CTSL: variants seen among roughly 807,000 people sequenced by gnomAD.
CTSL encodes procathepsin L.
A neutral mutation model predicts 34.7 loss-of-function variants in CTSL; 23 were observed. The observed-to-expected ratio is 0.66, with a 90% confidence interval of 0.48 to 0.94. The LOEUF is 0.94. Among genes scored for constraint, CTSL ranks in the 40% least tolerant of loss-of-function variants. The probability of loss-of-function intolerance (pLI) is 0.00; values close to 1 mark genes in which losing one functional copy is unlikely to be tolerated. For synonymous variants in CTSL, 129 were observed against 136.7 expected (o/e 0.94, Z 0.39); for missense variants, 361 against 406.3 (o/e 0.89, Z 0.96).
At chr9:87,726,928 G>A (rs899147943) in intron 1 of CTSL, among the ~76,000 whole-genome samples, 2 of 152,048 alleles carry the variant, frequency 1.3e-5, no homozygotes, top group African/African-American at 4.8e-5. Context: ...TGTAGTTCCA[G>A]CTATTCAAGA....
Position 87,731,144 on chromosome 9 carries a change from A to T in CTSL, c.*37A>T. 1 of 1,521,402 alleles carries T rather than the reference A, an allele frequency of 6.6e-7. No individual in the cohort carries two copies. Among genetic ancestry groups the T allele is most frequent in the South Asian group, 1.1e-5 (1 of 88,432 alleles). 94.2% of individuals were successfully genotyped at this position (1,521,402 alleles called of 1,614,324 possible). On this transcript the variant is annotated 3_prime_UTR_variant, in exon 8 of 8. Coordinates refer to ENST00000343150, the MANE Select transcript of CTSL (RefSeq NM_001912.5). ...GTGATGAGGAAGGACTTGACTGGGG[A>T]TGGCGCATGCATGGGAGGAATTCAT...
chr9:87,729,753 T>C lies in CTSL; in HGVS notation c.784+18T>C. 6.3e-7 allele frequency: 1 copy of C among 1,582,904 alleles called. No individual in the cohort carries two copies. Among genetic ancestry groups the C allele is most frequent in the South Asian group, 1.2e-5 (1 of 85,660 alleles). ...TAAAGAAGGTAAGCATATTTTTCTT[T>C]GTAGAAATTGATGCAGAAAAAGAGT... On this transcript the variant is annotated intron_variant, in intron 6 of 7. Coordinates refer to ENST00000343150, the MANE Select transcript of CTSL (RefSeq NM_001912.5).
Position 87,731,040 on chromosome 9 carries a change from T to C in CTSL, c.935T>C (p.Val312Ala). The C allele has an allele frequency of 6.2e-7, 1 of 1,614,070 alleles. No individual in the cohort carries two copies. Among genetic ancestry groups the C allele is most frequent in the East Asian group, 2.2e-5 (1 of 44,878 alleles). Residue 312 changes from valine to alanine, a missense_variant, in exon 8 of 8, where the codon GTA becomes GCA. By Grantham distance (64) the Val-to-Ala change is moderately conservative. Transcript: ENST00000343150. ...WGEEWGMGGY[V>A]KMAKDRRNHC... ...GAAGAATGGGGCATGGGTGGCTACG[T>C]AAAGATGGCCAAAGACCGGAGAAAC...
At chr9:87,729,771 A>C in intron 6 of CTSL, 36 bp downstream of exon 6, 1 of 1,578,298 alleles carries the variant, frequency 6.3e-7, no homozygotes, top group Non-Finnish European at 8.6e-7. Flanking sequence ...TTGATGCAGA[A>C]AAAGAGTATC....
intron 7 of CTSL, 50 bp from the exon 8 acceptor site, chr9:87,730,958 C>G (rs761976471): frequency 1.1e-5 from 16 of 1,498,896 alleles, no homozygotes; most frequent in Middle Eastern, 1.7e-4. Context: ...TGTTAATAAC[C>G]CTTTGGGCTT....
chr9:87,727,068 A>ATAAG (rs1826037747), intron 1 of CTSL, among the ~76,000 whole-genome samples: 1 of 151,642 alleles, frequency 6.6e-6, no homozygotes, highest in Non-Finnish European at 1.5e-5. Flanking sequence ...AAATAAATAA[A>ATAAG]TAAATAAATA....
In CTSL at chr9:87,729,794, C is replaced by T. The variant is rs1826187673; in HGVS notation, c.784+59C>T. On this transcript the variant is annotated intron_variant, in intron 6 of 7. Coordinates refer to ENST00000343150, the MANE Select transcript of CTSL (RefSeq NM_001912.5). ...GAAAAAGAGTATCATGACATACGAG[C>T]ATGATAGACTCTGGTTTGCAAGTAA... 2.0e-6 allele frequency: 3 copies of T among 1,515,344 alleles called. No homozygotes were observed. The South Asian group carries it at 3.9e-5, about 20-fold the overall frequency. The allele number at this position is 1,515,344 out of a possible 1,614,324, so 93.9% of individuals were successfully genotyped here.
intron 1 of CTSL, 53 bp from the exon 2 acceptor site, chr9:87,727,541 G>C: frequency 5.7e-6 from 9 of 1,585,094 alleles, no homozygotes; most frequent in Non-Finnish European, 7.7e-6. Flanking sequence ...GGGGCAGTAA[G>C]ATGGCTTTTT....
At chr9:87,730,250 G>T in intron 6 of CTSL, 131 bp from the exon 7 acceptor site, 1 of 531,672 alleles carries the variant, frequency 1.9e-6, no homozygotes, top group Non-Finnish European at 3.3e-6. Context: ...TCTTATTGTT[G>T]TTAAGTACTA....
intron 7 of CTSL, 81 bp downstream of exon 7, chr9:87,730,579 A>C: frequency 1.0e-6 from 1 of 962,646 alleles, no homozygotes; most frequent in Non-Finnish European, 1.6e-6. Context: ...ACAGTTCCAC[A>C]TGCCCTTAGG....
At position 87,728,160 on chromosome 9, in the gene CTSL, T is replaced by C. The variant is rs1338772093; in HGVS notation, c.249+11T>C. ...GCCTTTGGAGACATGGTAAGTGTGCTGTGGACTGCCGAGCTCTGTGCTTCC... is the reference window on the plus strand; with the variant it reads ...GCCTTTGGAGACATGGTAAGTGTGCCGTGGACTGCCGAGCTCTGTGCTTCC... On this transcript the variant is annotated intron_variant, in intron 3 of 7. Coordinates refer to ENST00000343150, the MANE Select transcript of CTSL (RefSeq NM_001912.5). The C allele has an allele frequency of 6.2e-7, 1 of 1,614,150 alleles. No homozygotes were observed. The highest frequency in any genetic ancestry group is 8.5e-7 in the Non-Finnish European group (1 of 1,180,058).
chr9:87,728,023 C>G lies in CTSL; in HGVS notation c.127-4C>G, dbSNP rs1312358565. The G allele has an allele frequency of 6.2e-7, 1 of 1,613,342 alleles. No individual in the cohort carries two copies. The highest frequency in any genetic ancestry group is 1.1e-5 in the South Asian group (1 of 91,066). The stretch of plus-strand genomic sequence containing the variant: ...AAGAGCATCAGTTACATGTTTGCCT[C>G]TAGAATGAAGAAGGATGGAGGAGAG... On this transcript the variant is annotated splice_region_variant and splice_polypyrimidine_tract_variant and intron_variant, in intron 2 of 7. Transcript: ENST00000343150.
At chr9:87,727,782 C>A in intron 2 of CTSL, 53 bp downstream of exon 2, 1 of 1,605,832 alleles carries the variant, frequency 6.2e-7, no homozygotes, top group South Asian at 1.1e-5. Context: ...AAGTTTTAGT[C>A]AGAGAGTAGC....
chr9:87,727,546 C>A, intron 1 of CTSL, 48 bp from the exon 2 acceptor site: 2 of 1,590,800 alleles, frequency 1.3e-6, no homozygotes, highest in Non-Finnish European at 1.7e-6. Context: ...AGTAAGATGG[C>A]TTTTTAGGAT....
chr9:87,727,753 A>T, intron 2 of CTSL, 24 bp downstream of exon 2: 1 of 1,613,940 alleles, frequency 6.2e-7, no homozygotes, highest in Non-Finnish European at 8.5e-7. Context: ...CCCCAGAAAG[A>T]ATAGTCCTGG....
intron 6 of CTSL, 24 bp downstream of exon 6, chr9:87,729,759 A>T (rs912442478): frequency 6.3e-7 from 1 of 1,583,642 alleles, no homozygotes; most frequent in African/African-American, 1.4e-5. Flanking sequence ...TCTTTGTAGA[A>T]ATTGATGCAG....
Position 87,730,054 on chromosome 9 carries a change from G to A in CTSL, c.784+319G>A, listed in dbSNP as rs182059447. Among the ~76,000 whole-genome samples, 10 of 152,098 alleles carry A rather than the reference G, an allele frequency of 6.6e-5. No individual in the cohort carries two copies. The East Asian group carries it at 7.7e-4, about 12-fold the overall frequency. Reference sequence around the variant, plus strand: ...GATTTTTACTTCTATTATTAAATCCGAAAAGAGCCTTTTGATTCAAGGATT... The same window carrying A: ...GATTTTTACTTCTATTATTAAATCCAAAAAGAGCCTTTTGATTCAAGGATT... On this transcript the variant is annotated intron_variant, in intron 6 of 7. Transcript: ENST00000343150.
At position 87,730,415 on chromosome 9, in the gene CTSL, C is replaced by T. The variant is rs1437249430; in HGVS notation, c.819C>T (p.Asp273=). ...TTGAGCCAGACTGTAGCAGTGAAGA[C>T]ATGGATCATGGTGTGCTGGTGGTTG... ...IYFEPDCSSE[D]MDHGVLVVGY... The change falls in exon 7 of 8, where the codon GAC becomes GAT. Residue 273 remains aspartate, a synonymous_variant. Transcript: ENST00000343150. 3.1e-6 allele frequency: 5 copies of T among 1,612,084 alleles called. No homozygotes were observed. The highest frequency in any genetic ancestry group is 1.7e-5 in the Admixed American group (1 of 59,520).
chr9:87,727,884 C>A, intron 2 of CTSL, 143 bp from the exon 3 acceptor site: 1 of 1,412,246 alleles, frequency 7.1e-7, no homozygotes, highest in Non-Finnish European at 9.8e-7. Context: ...TGTTGTGTCT[C>A]AGTTTGGAGA....
Sources: allele counts gnomAD v4.1 joint callset (sites outside exome capture counted in the v4.1 genomes callset), GRCh38; gene constraint gnomAD v4.1.1; transcripts MANE v1.5; gene names NCBI Gene and HGNC (gene_info 2026-07-23, HGNC 2026-07-21).